The following CADM2 variants were observed in gnomAD, a reference collection of about 807,000 sequenced individuals.
CADM2 encodes the protein immunoglobulin superfamily member 4D.
CADM2 carries 12 observed loss-of-function variants against 49.8 expected under a neutral mutation model. That is an observed-to-expected ratio of 0.24 (90% CI 0.15 to 0.39). The LOEUF (loss-of-function observed/expected upper bound fraction) is 0.39, where lower values mean the gene tolerates loss of function less well. CADM2 is among the 10% of genes least tolerant of loss of function. The pLI, the probability that CADM2 is intolerant of heterozygous loss-of-function variation, is 1.00. For synonymous variants in CADM2, 214 were observed against 175.4 expected (o/e 1.22, Z -1.74); for missense variants, 378 against 492.3 (o/e 0.77, Z 2.20).
chr3:85,682,507 A>C (rs189442338), intron 1 of CADM2, among the ~76,000 whole-genome samples: 1 of 152,234 alleles, frequency 6.6e-6, no homozygotes, highest in African/African-American at 2.4e-5. Context: ...AGCTAGTTTC[A>C]GTGGTACGTG....
At chr3:85,701,868 GATAGATAGATAGATA>G (rs2066767001) in intron 1 of CADM2, among the ~76,000 whole-genome samples, 1 of 85,336 alleles carries the variant, frequency 1.2e-5, no homozygotes, top group East Asian at 3.1e-4. Context: ...AAGATAGATA[GATAGATAGATAGATA>G]GATAGATAGA....
intron 6 of CADM2, 25 bp downstream of exon 6, chr3:85,912,568 C>T (rs766123091): frequency 1.9e-6 from 3 of 1,593,658 alleles, no homozygotes; most frequent in South Asian, 1.1e-5. Flanking sequence ...CTTCCCCCTC[C>T]TTTATCTCAG....
intron 1 of CADM2, among the ~76,000 whole-genome samples, chr3:85,607,174 T>G (rs1559939614): frequency 6.6e-6 from 1 of 152,142 alleles, no homozygotes; most frequent in Non-Finnish European, 1.5e-5. Flanking sequence ...TAACATTTGA[T>G]AATTAAATGG....
chr3:84,998,264 G>C (rs1013646262), intron 1 of CADM2, among the ~76,000 whole-genome samples: 1 of 152,002 alleles, frequency 6.6e-6, no homozygotes, highest in African/African-American at 2.4e-5. Flanking sequence ...AGATTAGAAT[G>C]GCTTTATAAA....
At chr3:85,464,919 G>A (rs532547560) in intron 1 of CADM2, among the ~76,000 whole-genome samples, 2 of 152,266 alleles carry the variant, frequency 1.3e-5, no homozygotes, top group African/African-American at 4.8e-5. Flanking sequence ...GGAGGCCGAG[G>A]TGGGTGGATC....
chr3:86,038,822 T>C (rs1735483711), intron 8 of CADM2, among the ~76,000 whole-genome samples: 1 of 152,182 alleles, frequency 6.6e-6, no homozygotes, highest in South Asian at 2.1e-4. Context: ...TCCAAATTTG[T>C]TAAATGATTT....
chr3:85,539,287 G>A (rs2061489402), intron 1 of CADM2, among the ~76,000 whole-genome samples: 2 of 151,890 alleles, frequency 1.3e-5, no homozygotes, highest in African/African-American at 4.8e-5. Flanking sequence ...AGTTCAAAGT[G>A]TGCTAATTAT....
At chr3:85,248,653 C>T (rs1161085442) in intron 1 of CADM2, among the ~76,000 whole-genome samples, 1 of 152,070 alleles carries the variant, frequency 6.6e-6, no homozygotes, top group African/African-American at 2.4e-5. Context: ...GAGCATGTCA[C>T]TGTGATAGGT....
chr3:85,493,108 G>A (rs62250723), intron 1 of CADM2, among the ~76,000 whole-genome samples: 28,602 of 151,806 alleles, frequency 0.19, 3,245 homozygotes, highest in East Asian at 0.45. Context: ...AATTGGATAC[G>A]GCATATTGTA....
At chr3:85,682,527 C>T (rs1268060042) in intron 1 of CADM2, among the ~76,000 whole-genome samples, 1 of 152,004 alleles carries the variant, frequency 6.6e-6, no homozygotes, top group Non-Finnish European at 1.5e-5. Context: ...GAAGGTGTTG[C>T]TCCAAACTGA....
At chr3:85,947,165 C>T (rs1040319023) in intron 7 of CADM2, among the ~76,000 whole-genome samples, 1 of 151,930 alleles carries the variant, frequency 6.6e-6, no homozygotes. Context: ...CAAAAGAAGA[C>T]ATTTATGCAG....
chr3:85,275,204 A>G (rs2043328598), intron 1 of CADM2, among the ~76,000 whole-genome samples: 1 of 151,616 alleles, frequency 6.6e-6, no homozygotes, highest in South Asian at 2.1e-4. Context: ...CAATGGCAAT[A>G]TTATTGAACT....
chr3:85,079,776 C>A (rs2037093602), intron 1 of CADM2, among the ~76,000 whole-genome samples: 1 of 151,740 alleles, frequency 6.6e-6, no homozygotes, highest in Non-Finnish European at 1.5e-5. Context: ...AATTAAAATA[C>A]CTTTAAATTT....
chr3:85,256,520 A>G (rs1020644117), intron 1 of CADM2, among the ~76,000 whole-genome samples: 1 of 152,066 alleles, frequency 6.6e-6, no homozygotes, highest in Non-Finnish European at 1.5e-5. Context: ...AAATGAATTT[A>G]TTTTTTTGGA....
chr3:85,027,241 A>G (rs1056070066), intron 1 of CADM2, among the ~76,000 whole-genome samples: 2 of 147,112 alleles, frequency 1.4e-5, no homozygotes, highest in Non-Finnish European at 3.0e-5. Context: ...CAGCCTCCTG[A>G]GTAGTTAGGA....
At chr3:85,251,132 A>G (rs1222959363) in intron 1 of CADM2, among the ~76,000 whole-genome samples, 1 of 151,880 alleles carries the variant, frequency 6.6e-6, no homozygotes, top group Non-Finnish European at 1.5e-5. Context: ...CTACTAGAAC[A>G]GTAACCATTA....
At chr3:85,257,937 T>C (rs2042925925) in intron 1 of CADM2, among the ~76,000 whole-genome samples, 1 of 152,158 alleles carries the variant, frequency 6.6e-6, no homozygotes, top group Non-Finnish European at 1.5e-5. Flanking sequence ...GGAGAGCTGT[T>C]ACATCAGTAT....
chr3:85,206,466 C>G (rs1462906210), intron 1 of CADM2, among the ~76,000 whole-genome samples: 1 of 151,914 alleles, frequency 6.6e-6, no homozygotes, highest in Non-Finnish European at 1.5e-5. Flanking sequence ...CGTCACCACG[C>G]CCGGCTAATT....
At chr3:85,706,366 G>T (rs2066951041) in intron 1 of CADM2, among the ~76,000 whole-genome samples, 1 of 152,168 alleles carries the variant, frequency 6.6e-6, no homozygotes, top group African/African-American at 2.4e-5. Flanking sequence ...TGCTCTAGGG[G>T]TCTAAAGTTG....
Sources: gnomAD v4.1 joint callset for allele counts (sites outside exome capture counted in the v4.1 genomes callset) on GRCh38, gnomAD v4.1.1 for gene constraint, MANE v1.5 for transcripts, NCBI Gene and HGNC (gene_info 2026-07-23, HGNC 2026-07-21) for gene names.